The following MYT1L variants were observed in gnomAD, a reference collection of about 807,000 sequenced individuals.
MYT1L encodes myelin transcription factor 1-like protein.
In MYT1L, 12 loss-of-function variants were observed where a neutral mutation model predicts 126.7. The observed-to-expected ratio is 0.09, with a 90% CI of 0.06 to 0.15. The LOEUF is 0.15. Among genes scored for constraint, MYT1L ranks in the 10% least tolerant of loss-of-function variants. The pLI is 1.00. For synonymous variants in MYT1L, 541 were observed against 604.2 expected, an observed-to-expected ratio of 0.90 and a Z score of 1.53; for missense variants, 979 against 1,585.2, an observed-to-expected ratio of 0.62 and a Z score of 6.49.
intron 2 of MYT1L, among the ~76,000 whole-genome samples, chr2:2,275,050 C>T (rs745782051): frequency 7.9e-5 from 12 of 152,170 alleles, no homozygotes; most frequent in Non-Finnish European, 1.6e-4. Flanking sequence ...GTAGAGTCAG[C>T]GGGAGCCAGT....
chr2:2,271,033 C>G (rs1490624401), intron 2 of MYT1L, among the ~76,000 whole-genome samples: 3 of 152,216 alleles, frequency 2.0e-5, no homozygotes, highest in Admixed American at 1.3e-4. Flanking sequence ...CATGCCGCGG[C>G]CTTGCTGGCT....
At chr2:2,148,056 A>T (rs1330129196) in intron 3 of MYT1L, among the ~76,000 whole-genome samples, 1 of 152,158 alleles carries the variant, frequency 6.6e-6, no homozygotes, top group Non-Finnish European at 1.5e-5. Context: ...TGCACCTCTA[A>T]TTTAAGCAGG....
intron 4 of MYT1L, among the ~76,000 whole-genome samples, chr2:2,008,851 TA>T (rs2063561765): frequency 6.6e-6 from 1 of 152,166 alleles, no homozygotes; most frequent in African/African-American, 2.4e-5. Context: ...GAGTTATTAT[TA>T]TTTTTTTTAA....
chr2:2,284,559 G>A (rs890117961), intron 1 of MYT1L, 56 bp from the exon 2 acceptor site: 2 of 152,104 alleles, frequency 1.3e-5, no homozygotes, highest in African/African-American at 4.8e-5. Context: ...CTTTTCTCTT[G>A]AGTTAATGGG....
At chr2:2,292,642 G>T (rs2095616650) in intron 1 of MYT1L, among the ~76,000 whole-genome samples, 1 of 152,006 alleles carries the variant, frequency 6.6e-6, no homozygotes, top group Non-Finnish European at 1.5e-5. Flanking sequence ...GGCCCTCAGG[G>T]TCCCAGCCTC....
At chr2:2,044,711 G>A (rs2067963183) in intron 4 of MYT1L, among the ~76,000 whole-genome samples, 1 of 152,192 alleles carries the variant, frequency 6.6e-6, no homozygotes, top group Non-Finnish European at 1.5e-5. Context: ...GCCATGGCTA[G>A]CCTTCTTCCC....
At chr2:2,245,987 A>G (rs1216100628) in intron 2 of MYT1L, among the ~76,000 whole-genome samples, 1 of 152,188 alleles carries the variant, frequency 6.6e-6, no homozygotes, top group Non-Finnish European at 1.5e-5. Flanking sequence ...CTTTGATTTT[A>G]GCACAGTGAG....
At chr2:1,951,037 C>T (rs763929516) in intron 8 of MYT1L, among the ~76,000 whole-genome samples, 33 of 152,118 alleles carry the variant, frequency 2.2e-4, no homozygotes, top group African/African-American at 5.5e-4. Context: ...TGCACTGGTA[C>T]GGAAGACACG....
chr2:2,215,324 A>C (rs978525764), intron 2 of MYT1L, among the ~76,000 whole-genome samples: 3 of 152,176 alleles, frequency 2.0e-5, no homozygotes, highest in Non-Finnish European at 2.9e-5. Context: ...TAAAGACAAA[A>C]GTAGGTTAAA....
At chr2:2,182,876 C>A (rs937550665) in intron 2 of MYT1L, among the ~76,000 whole-genome samples, 1 of 152,118 alleles carries the variant, frequency 6.6e-6, no homozygotes, top group African/African-American at 2.4e-5. Context: ...GGCCTCCAGG[C>A]AGGACAGAGT....
intron 3 of MYT1L, among the ~76,000 whole-genome samples, chr2:2,066,138 A>G (rs1174888617): frequency 6.6e-6 from 1 of 152,134 alleles, no homozygotes; most frequent in Non-Finnish European, 1.5e-5. Context: ...AATATCAAAC[A>G]CTTTTAAACT....
At chr2:2,037,113 T>C (rs1270907113) in intron 4 of MYT1L, among the ~76,000 whole-genome samples, 1 of 152,252 alleles carries the variant, frequency 6.6e-6, no homozygotes, top group Admixed American at 6.5e-5. Context: ...GTGGTTTTCC[T>C]TGGAAAAGCA....
intron 8 of MYT1L, among the ~76,000 whole-genome samples, chr2:1,949,542 C>G (rs1204439616): frequency 6.6e-6 from 1 of 152,196 alleles, no homozygotes; most frequent in Non-Finnish European, 1.5e-5. Flanking sequence ...CCATGGCTTT[C>G]CCTCACAAAC....
rs576746033 is a variant in MYT1L, at chr2:2,161,050, C to G, written c.-304+11822G>C. On this transcript the variant is annotated intron_variant, in intron 3 of 24. Coordinates refer to ENST00000647738, the MANE Select transcript of MYT1L (RefSeq NM_001303052.2). ...TGCCCAACGTGGTGAAACCCCATCT[C>G]TACTAAAAAAAAATACAAAAACTAG... Among the ~76,000 whole-genome samples, 3 of 152,152 alleles carry G rather than the reference C, an allele frequency of 2.0e-5. No homozygotes were observed. The South Asian group carries it at 6.2e-4, about 32-fold the overall frequency.
chr2:2,143,884 T>A (rs901493453), intron 3 of MYT1L, among the ~76,000 whole-genome samples: 3 of 150,782 alleles, frequency 2.0e-5, no homozygotes, highest in African/African-American at 7.3e-5. Context: ...TGCCATGTGT[T>A]CTCACTTATA....
At chr2:1,798,712 C>A (rs1317396483) in intron 23 of MYT1L, among the ~76,000 whole-genome samples, 1 of 152,172 alleles carries the variant, frequency 6.6e-6, no homozygotes, top group Non-Finnish European at 1.5e-5. Flanking sequence ...CTGAGAGGCA[C>A]GGGAAAGTCA....
rs547015910 is a variant in MYT1L, at chr2:2,059,932, C to T, written c.-303-5809G>A. Among the ~76,000 whole-genome samples, 5 of 152,010 alleles carry T rather than the reference C, an allele frequency of 3.3e-5. No individual in the cohort carries two copies. Among genetic ancestry groups the T allele is most frequent in the African/African-American group, 4.8e-5 (2 of 41,378 alleles). ...ATGCTGTAACTGTAGATCTCCTAAG[C>T]GGCACCCCAACCCCACCACGAGCTC... On this transcript the variant is annotated intron_variant, in intron 3 of 24. Coordinates refer to ENST00000647738, the MANE Select transcript of MYT1L (RefSeq NM_001303052.2). This position sits in a 1 kb window ranked among gnomAD's most constrained non-coding sequence, Gnocchi z 4.7.
chr2:2,297,196 G>C (rs1361886567), intron 1 of MYT1L, among the ~76,000 whole-genome samples: 1 of 152,244 alleles, frequency 6.6e-6, no homozygotes, highest in Non-Finnish European at 1.5e-5. Context: ...GCGCCGCTCT[G>C]AGTCTCTGCT....
At chr2:2,206,815 A>G (rs921347001) in intron 2 of MYT1L, among the ~76,000 whole-genome samples, 10 of 152,128 alleles carry the variant, frequency 6.6e-5, no homozygotes, top group African/African-American at 1.4e-4. Flanking sequence ...TGTCTTTTCC[A>G]TAGCCTATTT....
Sources: gnomAD v4.1 joint callset for allele counts (sites outside exome capture counted in the v4.1 genomes callset) on GRCh38, gnomAD v4.1.1 for gene constraint, Gnocchi (gnomAD v3.1) non-coding constraint, MANE v1.5 for transcripts, NCBI Gene and HGNC (gene_info 2026-07-23, HGNC 2026-07-21) for gene names.